The following H2BC4 variants were observed in gnomAD, a reference collection of about 807,000 sequenced individuals.
The protein encoded by H2BC4 is histone H2B type 1-C/E/F/G/I.
H2BC4 carries 10 observed loss-of-function variants against 6.2 expected under a neutral mutation model. The observed-to-expected ratio is 1.61, with a 90% confidence interval of 0.99 to 2.73. The LOEUF is 2.73. Ranked by LOEUF, H2BC4 falls within the 30% of genes most tolerant of loss-of-function variation. The pLI is 0.00. For missense variants in H2BC4, 176 were observed against 168.7 expected (o/e 1.04, Z -0.24); for synonymous variants, 146 against 70.7 (o/e 2.07, Z -5.35).
At chr6:26,118,519 ACT>A (rs1763453883), downstream of H2BC4, among the ~76,000 whole-genome samples, 2 of 152,218 alleles carry the variant, frequency 1.3e-5, no homozygotes, top group South Asian at 4.1e-4. Flanking sequence ...GTAAAATATA[ACT>A]GAGATTTGTT....
At chr6:26,116,339 C>T (rs1763419314) in intron 1 of H2BC4, among the ~76,000 whole-genome samples, 1 of 152,184 alleles carries the variant, frequency 6.6e-6, no homozygotes, top group Non-Finnish European at 1.5e-5. Flanking sequence ...GATAAGGTTA[C>T]ATGAATCTTT....
rs780322378 is a variant in H2BC4, at chr6:26,123,845, G to T, written c.60C>A (p.Thr20=). Residue 20 remains threonine, a synonymous_variant, in exon 1 of 1, where the codon ACC becomes ACA. Coordinates refer to ENST00000396984, the MANE Select transcript of H2BC4 (RefSeq NM_003526.3). ...APKKGSKKAV[T]KAQKKDGKKR... is the part of the protein sequence containing the mutation. ...TCTTGCCATCTTTCTTCTGCGCTTT[G>T]GTCACTGCCTTCTTGGAGCCCTTCT... 13 of 1,614,216 alleles carry T rather than the reference G, an allele frequency of 8.1e-6. No individual in the cohort carries two copies. The highest frequency in any genetic ancestry group is 1.0e-5 in the Non-Finnish European group (12 of 1,180,044).
chr6:26,122,271 T>C (rs1763508842), downstream of H2BC4, among the ~76,000 whole-genome samples: 1 of 152,148 alleles, frequency 6.6e-6, no homozygotes, highest in South Asian at 2.1e-4. Flanking sequence ...GTCCTTATGT[T>C]AAATAACTGT....
chr6:26,119,160 A>G (rs1763466028), downstream of H2BC4, among the ~76,000 whole-genome samples: 1 of 152,108 alleles, frequency 6.6e-6, no homozygotes, highest in Non-Finnish European at 1.5e-5. Context: ...GTGTTCCCGC[A>G]TAGGCATGAC....
At chr6:26,121,136 A>T (rs1763491334), downstream of H2BC4, among the ~76,000 whole-genome samples, 1 of 152,224 alleles carries the variant, frequency 6.6e-6, no homozygotes, top group African/African-American at 2.4e-5. Context: ...ATGTAAAGTC[A>T]GAAAGAAAAA....
intron 1 of H2BC4, among the ~76,000 whole-genome samples, chr6:26,118,010 C>T (rs1292547515): frequency 1.3e-5 from 2 of 152,190 alleles, no homozygotes; most frequent in African/African-American, 2.4e-5. Context: ...TGACAACCAA[C>T]ATTTCCATGT....
At chr6:26,120,062 A>G (rs1403044001), downstream of H2BC4, among the ~76,000 whole-genome samples, 1 of 152,162 alleles carries the variant, frequency 6.6e-6, no homozygotes, top group African/African-American at 2.4e-5. Flanking sequence ...TTTTATTTAA[A>G]TTGATGTATT....
rs2113800427 is a variant in H2BC4, at chr6:26,123,883, C to T, written c.22G>A (p.Ala8Thr). The T allele has an allele frequency of 1.2e-6, 2 of 1,614,146 alleles. No individual in the cohort carries two copies. Among genetic ancestry groups the T allele is most frequent in the Non-Finnish European group, 1.7e-6 (2 of 1,180,028 alleles). MPEPAKS[A>T]PAPKKGSKKA... ...TTGGAGCCCTTCTTCGGGGCGGGAGCAGACTTGGCTGGCTCAGGCATCTTA... is the reference window on the plus strand; with the variant it reads ...TTGGAGCCCTTCTTCGGGGCGGGAGTAGACTTGGCTGGCTCAGGCATCTTA... Residue 8 changes from alanine to threonine, a missense_variant, in exon 1 of 1, where the codon GCT becomes ACT. By Grantham distance (58) the Ala-to-Thr change is moderately conservative. Transcript: ENST00000396984.
At chr6:26,121,729 T>C (rs1763498889), downstream of H2BC4, among the ~76,000 whole-genome samples, 1 of 151,238 alleles carries the variant, frequency 6.6e-6, no homozygotes, top group Non-Finnish European at 1.5e-5. Context: ...TGGGAATAAG[T>C]GACCAGGTCC....
downstream of H2BC4, chr6:26,123,314 ATTT>A (rs1339674832): frequency 1.1e-6 from 1 of 910,210 alleles, no homozygotes; most frequent in African/African-American, 1.7e-5. Flanking sequence ...CCCCAAAGCC[ATTT>A]TTAATGGCTG....
intron 1 of H2BC4, among the ~76,000 whole-genome samples, chr6:26,115,578 T>A (rs774577897): frequency 1.7e-4 from 26 of 152,268 alleles, no homozygotes; most frequent in Non-Finnish European, 2.9e-4. Flanking sequence ...ATAAAGAAGA[T>A]ACAGCGACGA....
At chr6:26,120,254 C>T (rs1347289706), downstream of H2BC4, among the ~76,000 whole-genome samples, 1 of 152,064 alleles carries the variant, frequency 6.6e-6, no homozygotes, top group Non-Finnish European at 1.5e-5. Context: ...AGTTCGAGAC[C>T]AGTTTGGCCA....
chr6:26,123,347 C>T (rs1561955186), downstream of H2BC4: 6 of 1,133,520 alleles, frequency 5.3e-6, no homozygotes, highest in South Asian at 1.7e-5. Flanking sequence ...GGGTTCAGGA[C>T]CCTTTGTCCC....
At chr6:26,123,310 A>G (rs925605948), downstream of H2BC4, 33 of 850,666 alleles carry the variant, frequency 3.9e-5, no homozygotes, top group Non-Finnish European at 5.2e-5. Flanking sequence ...TTGACCCCAA[A>G]GCCATTTTTA....
chr6:26,122,331 A>G (rs901357204), downstream of H2BC4, among the ~76,000 whole-genome samples: 39 of 152,200 alleles, frequency 2.6e-4, no homozygotes, highest in African/African-American at 8.9e-4. Context: ...TTTAACACTA[A>G]TTTTATTTAT....
chr6:26,121,246 C>A (rs921809723), downstream of H2BC4, among the ~76,000 whole-genome samples: 1 of 152,206 alleles, frequency 6.6e-6, no homozygotes, highest in Non-Finnish European at 1.5e-5. Flanking sequence ...CCTGTCCTCT[C>A]CACTGACTAA....
intron 1 of H2BC4, among the ~76,000 whole-genome samples, chr6:26,115,610 C>T (rs984579357): frequency 6.6e-6 from 1 of 152,186 alleles, no homozygotes. Context: ...TGGGGACTGT[C>T]TGATTTTTAG....
At chr6:26,123,302 G>C (rs948395242), downstream of H2BC4, 9 of 765,910 alleles carry the variant, frequency 1.2e-5, no homozygotes, top group African/African-American at 1.6e-4. Context: ...ACAACGAATT[G>C]ACCCCAAAGC....
At chr6:26,121,228 C>A (rs1159479904), downstream of H2BC4, among the ~76,000 whole-genome samples, 1 of 152,148 alleles carries the variant, frequency 6.6e-6, no homozygotes, top group African/African-American at 2.4e-5. Context: ...AATAAATAAA[C>A]CAGATTTCCT....
Sources: gnomAD v4.1 joint callset for allele counts (sites outside exome capture counted in the v4.1 genomes callset) on GRCh38, gnomAD v4.1.1 for gene constraint, MANE v1.5 for transcripts, NCBI Gene and HGNC (gene_info 2026-07-23, HGNC 2026-07-21) for gene names.